Variants in RARB observed in about 807,000 individuals in gnomAD.
The protein encoded by RARB is HBV-activated protein.
Under a neutral mutation model 51.9 loss-of-function variants are expected in RARB, and 17 were observed. That is an observed-to-expected ratio of 0.33 (90% CI 0.22 to 0.49). The LOEUF is 0.49. Among genes scored for constraint, RARB ranks in the 20% least tolerant of loss-of-function variants. The probability of loss-of-function intolerance (pLI) is 0.99; values close to 1 mark genes in which losing one functional copy is unlikely to be tolerated. For synonymous variants in RARB, 215 were observed against 195.4 expected (o/e 1.10, Z -0.84); for missense variants, 369 against 550.8 (o/e 0.67, Z 3.30).
At chr3:24,980,608 G>C (rs1233946696) in intron 2 of RARB, among the ~76,000 whole-genome samples, 1 of 152,086 alleles carries the variant, frequency 6.6e-6, no homozygotes, top group Non-Finnish European at 1.5e-5. Flanking sequence ...GTGGTTTTCA[G>C]TTCCATCAGG....
intron 2 of RARB, among the ~76,000 whole-genome samples, chr3:24,911,340 A>G (rs1461200113): frequency 6.6e-6 from 1 of 152,232 alleles, no homozygotes; most frequent in East Asian, 1.9e-4. Context: ...TAAAATCAAA[A>G]AAAGCTTTTT....
At chr3:25,058,079 G>A (rs1446691206) in intron 2 of RARB, among the ~76,000 whole-genome samples, 2 of 151,820 alleles carry the variant, frequency 1.3e-5, no homozygotes, top group Non-Finnish European at 2.9e-5. Context: ...TAAACTTCCT[G>A]TCCATTAACT....
At chr3:24,915,416 C>T (rs922818465) in intron 2 of RARB, among the ~76,000 whole-genome samples, 1 of 152,126 alleles carries the variant, frequency 6.6e-6, no homozygotes, top group African/African-American at 2.4e-5. Flanking sequence ...GTGCATTTTA[C>T]ACTTACAGTA....
chr3:25,088,720 G>C (rs544576441), intron 3 of RARB, among the ~76,000 whole-genome samples: 2 of 152,074 alleles, frequency 1.3e-5, no homozygotes, highest in African/African-American at 4.8e-5. Context: ...GAAGCTATTT[G>C]GTGAACCAGA....
intron 3 of RARB, among the ~76,000 whole-genome samples, chr3:25,129,437 G>A (rs1312664718): frequency 6.6e-6 from 1 of 152,034 alleles, no homozygotes. Flanking sequence ...TGGATAAAAT[G>A]AGATTATGTA....
chr3:25,002,811 T>C (rs1697194246), intron 2 of RARB, among the ~76,000 whole-genome samples: 1 of 152,062 alleles, frequency 6.6e-6, no homozygotes, highest in African/African-American at 2.4e-5. Flanking sequence ...TTAATTGCTT[T>C]GTTTCATCAT....
intron 2 of RARB, among the ~76,000 whole-genome samples, chr3:24,895,143 T>C (rs1703452257): frequency 6.6e-6 from 1 of 152,190 alleles, no homozygotes; most frequent in Non-Finnish European, 1.5e-5. Context: ...AATCATTTGG[T>C]CAGCCATTTA....
intron 5 of RARB, among the ~76,000 whole-genome samples, chr3:25,380,089 C>T (rs1425884810): frequency 6.6e-6 from 1 of 152,018 alleles, no homozygotes; most frequent in African/African-American, 2.4e-5. Flanking sequence ...ATTTTAAAAC[C>T]CAAGAATTTC....
intron 2 of RARB, among the ~76,000 whole-genome samples, chr3:24,981,245 C>T (rs951689596): frequency 2.6e-5 from 4 of 152,206 alleles, no homozygotes; most frequent in African/African-American, 7.2e-5. Context: ...CTTGAGGAGG[C>T]AGTCTGTCTC....
At chr3:25,543,748 G>A (rs1699490102) in intron 3 of RARB, among the ~76,000 whole-genome samples, 1 of 152,168 alleles carries the variant, frequency 6.6e-6, no homozygotes, top group South Asian at 2.1e-4. Context: ...TTGACGAGAA[G>A]AGCAGTCAGC....
At chr3:24,834,935 C>G (rs1432096734) in intron 1 of RARB, among the ~76,000 whole-genome samples, 2 of 151,812 alleles carry the variant, frequency 1.3e-5, no homozygotes, top group Admixed American at 1.3e-4. Context: ...TTTTTTTCCC[C>G]TATTTATTTC....
chr3:24,885,543 C>T (rs367971284), intron 2 of RARB, among the ~76,000 whole-genome samples: 6 of 152,166 alleles, frequency 3.9e-5, no homozygotes, highest in Non-Finnish European at 5.9e-5. Flanking sequence ...GAATGAGTGC[C>T]GTCTAGCATA....
intron 5 of RARB, among the ~76,000 whole-genome samples, chr3:25,362,881 C>G (rs561481831): frequency 6.6e-6 from 1 of 152,312 alleles, no homozygotes; most frequent in Admixed American, 6.5e-5. Context: ...CTGCGTTGGC[C>G]TCTCTGGGAG....
At chr3:25,528,100 G>A (rs939133080) in intron 3 of RARB, among the ~76,000 whole-genome samples, 1 of 152,210 alleles carries the variant, frequency 6.6e-6, no homozygotes, top group Non-Finnish European at 1.5e-5. Context: ...AGAAAAGAAA[G>A]TAAAGAGGCT....
At chr3:24,921,792 T>G (rs900441612) in intron 2 of RARB, among the ~76,000 whole-genome samples, 4 of 152,206 alleles carry the variant, frequency 2.6e-5, no homozygotes, top group Non-Finnish European at 5.9e-5. Context: ...ATAATCTGTA[T>G]AGAATAATCT....
At chr3:24,978,207 A>G (rs1041903936) in intron 2 of RARB, among the ~76,000 whole-genome samples, 1 of 150,610 alleles carries the variant, frequency 6.6e-6, no homozygotes, top group South Asian at 2.1e-4. Context: ...TTGGCCTAAG[A>G]TTCTTTTTTT....
chr3:24,925,997 A>C (rs541008357), intron 2 of RARB, among the ~76,000 whole-genome samples: 1 of 152,272 alleles, frequency 6.6e-6, no homozygotes, highest in South Asian at 2.1e-4. Context: ...CTGTAACAGA[A>C]GCACACAGTA....
At chr3:25,008,586 C>T (rs780379039) in intron 2 of RARB, among the ~76,000 whole-genome samples, 2 of 152,120 alleles carry the variant, frequency 1.3e-5, no homozygotes, top group Admixed American at 6.5e-5. Context: ...GTAAGATTTT[C>T]TCCTTGACTG....
At position 24,899,394 on chromosome 3, in the gene RARB, C is replaced by T. The variant is rs113743297; in HGVS notation, c.-380+40642C>T. ...GAATAGGTACTCAGTTATCTCCCAG[C>T]GCTTCCAGCTCCTTCAGAAATGTAC... On this transcript the variant is annotated intron_variant, in intron 2 of 11. Transcript: ENST00000383772. 3.9e-3 allele frequency among the ~76,000 whole-genome samples: 598 copies of T among 152,280 alleles called. 5 individuals carry two copies. The highest frequency in any genetic ancestry group is 0.013 in the African/African-American group (560 of 41,562).
Sources: allele counts gnomAD v4.1 joint callset (sites outside exome capture counted in the v4.1 genomes callset), GRCh38; gene constraint gnomAD v4.1.1; transcripts MANE v1.5; gene names NCBI Gene and HGNC (gene_info 2026-07-23, HGNC 2026-07-21).